TLK1: variants seen among roughly 807,000 people sequenced by gnomAD.
TLK1 encodes the protein serine/threonine-protein kinase tousled-like 1.
A neutral mutation model predicts 105.3 loss-of-function variants in TLK1; 24 were observed. That is an observed-to-expected ratio of 0.23 (90% CI 0.17 to 0.32). The LOEUF is 0.32. Ranked by LOEUF, TLK1 falls within the 10% of genes least tolerant of loss-of-function variation. TLK1 has a pLI of 1.00. For missense variants in TLK1, 558 were observed against 910.5 expected, an observed-to-expected ratio of 0.61 and a Z score of 4.98; for synonymous variants, 321 against 310.4, an observed-to-expected ratio of 1.03 and a Z score of -0.36.
At chr2:171,106,177 A>G (rs953969290) in intron 2 of TLK1, among the ~76,000 whole-genome samples, 2 of 152,212 alleles carry the variant, frequency 1.3e-5, no homozygotes, top group African/African-American at 4.8e-5. Context: ...AGCAGAATAG[A>G]GGCAGGGAAG....
At position 171,047,701 on chromosome 2, in the gene TLK1, G is replaced by A. The variant is rs144023607; in HGVS notation, c.981-1339C>T. Among the ~76,000 whole-genome samples the A allele has an allele frequency of 1.8e-3, 279 of 152,130 alleles. 3 individuals are homozygous for A. The highest frequency in any genetic ancestry group is 6.6e-3 in the African/African-American group (273 of 41,528). The stretch of plus-strand genomic sequence containing the variant: ...ATCAAGATGGTATAAATGCAAATAA[G>A]CAATAATAATCCTAATGATTAAAAT... On this transcript the variant is annotated intron_variant, in intron 10 of 20. Transcript: ENST00000431350.
intron 1 of TLK1, among the ~76,000 whole-genome samples, chr2:171,126,813 T>C (rs1359251363): frequency 6.6e-6 from 1 of 151,896 alleles, no homozygotes; most frequent in East Asian, 1.9e-4. Flanking sequence ...AGTTAAAGCT[T>C]TTCTTCTATT....
At chr2:171,009,872 G>C (rs1559339347) in intron 14 of TLK1, among the ~76,000 whole-genome samples, 1 of 152,176 alleles carries the variant, frequency 6.6e-6, no homozygotes, top group Non-Finnish European at 1.5e-5. Context: ...GCACAAAGGA[G>C]CTTATAAAAA....
intron 1 of TLK1, among the ~76,000 whole-genome samples, chr2:171,205,025 G>A (rs1421619192): frequency 1.3e-5 from 2 of 151,798 alleles, no homozygotes; most frequent in African/African-American, 4.8e-5. Flanking sequence ...ATAAGGGTGA[G>A]TGCAATGGAA....
At chr2:171,092,131 G>C (rs1488472223) in intron 2 of TLK1, among the ~76,000 whole-genome samples, 1 of 151,976 alleles carries the variant, frequency 6.6e-6, no homozygotes, top group African/African-American at 2.4e-5. Flanking sequence ...GTGCAACTCT[G>C]GTCTTCCAGG....
At chr2:171,222,217 AG>A (rs1306446861) in intron 1 of TLK1, among the ~76,000 whole-genome samples, 1 of 152,226 alleles carries the variant, frequency 6.6e-6, no homozygotes, top group Non-Finnish European at 1.5e-5. Flanking sequence ...AGACAACCCC[AG>A]TCCCACTAGA....
intron 2 of TLK1, among the ~76,000 whole-genome samples, chr2:171,108,064 A>C (rs1690006100): frequency 8.3e-6 from 1 of 120,272 alleles, no homozygotes; most frequent in Non-Finnish European, 1.7e-5. Context: ...TCTCAAAAAA[A>C]AAACAACAAC....
rs1455224423 is a variant in TLK1 at position 171,100,177 on chromosome 2, A to G, written c.259-17325T>C. ...GATGCTCATCAGTCATTAGGGAAAT[A>G]CATACCAAAAACACAGTGAGATCCC... On this transcript the variant is annotated intron_variant, in intron 2 of 20. Transcript: ENST00000431350. Among the ~76,000 whole-genome samples the G allele has an allele frequency of 2.6e-5, 4 of 152,222 alleles. No individual in the cohort carries two copies. The East Asian group carries it at 7.7e-4, about 29-fold the overall frequency.
chr2:171,047,416 T>C (rs112327486), intron 10 of TLK1, among the ~76,000 whole-genome samples: 1 of 152,174 alleles, frequency 6.6e-6, no homozygotes, highest in South Asian at 2.1e-4. Flanking sequence ...CCCCAACCAC[T>C]GACATCAACT....
In TLK1 at chr2:170,993,700, A is replaced by AACAAAC; in HGVS notation, c.*74_*79dup. 1 of 1,181,766 alleles carries AACAAAC rather than the reference A, an allele frequency of 8.5e-7. No homozygotes were observed. The highest frequency in any genetic ancestry group is 1.1e-6 in the Non-Finnish European group (1 of 882,840). The allele number at this position is 1,181,766 out of a possible 1,614,324, so 73.2% of individuals were successfully genotyped here. On this transcript the variant is annotated 3_prime_UTR_variant, in exon 21 of 21. Coordinates refer to ENST00000431350, the MANE Select transcript of TLK1 (RefSeq NM_012290.5). ...AAAAAAAAAAAAAAAAGAAAAAGAAAACAAACACTCAAATGCTCTCAAACT... is the reference window on the plus strand; with the variant it reads ...AAAAAAAAAAAAAAAAGAAAAAGAAAACAAACACAAACACTCAAATGCTCTCAAACT...
intron 1 of TLK1, among the ~76,000 whole-genome samples, chr2:171,148,554 C>T (rs1282381935): frequency 6.6e-6 from 1 of 151,858 alleles, no homozygotes; most frequent in Non-Finnish European, 1.5e-5. Flanking sequence ...GTACATGTTT[C>T]CATATTGCAC....
chr2:170,998,315 T>C (rs538278780), intron 18 of TLK1, among the ~76,000 whole-genome samples: 3 of 152,302 alleles, frequency 2.0e-5, no homozygotes, highest in Non-Finnish European at 4.4e-5. Flanking sequence ...AGACCTTGTA[T>C]CTCTTGTTTG....
chr2:171,151,401 T>C (rs1387852232), intron 1 of TLK1, among the ~76,000 whole-genome samples: 2 of 151,908 alleles, frequency 1.3e-5, no homozygotes, highest in Non-Finnish European at 2.9e-5. Context: ...ATGTGATTGT[T>C]AGGAGAAGCA....
chr2:171,061,130 T>G lies in TLK1; in HGVS notation c.357A>C (p.Ser119=). 5.0e-6 allele frequency: 8 copies of G among 1,613,674 alleles called. No individual in the cohort carries two copies. Among genetic ancestry groups the G allele is most frequent in the Non-Finnish European group, 6.8e-6 (8 of 1,179,758 alleles). The change falls in exon 4 of 21, where the codon TCA becomes TCC. Residue 119 remains serine (S), a synonymous_variant. Coordinates refer to ENST00000431350, the MANE Select transcript of TLK1 (RefSeq NM_012290.5). The part of the protein sequence containing the change: ...SETPEKKQSE[S]SRGRKRKAEN... Reference sequence around the variant, plus strand: ...CTGCTTTTCTCTTTCTTCCCCTGGATGATTCCGATTGTTTCTTCTCCGGTG... The same window carrying G: ...CTGCTTTTCTCTTTCTTCCCCTGGAGGATTCCGATTGTTTCTTCTCCGGTG...
intron 18 of TLK1, among the ~76,000 whole-genome samples, chr2:171,001,571 A>G (rs1575500823): frequency 6.6e-6 from 1 of 152,326 alleles, no homozygotes; most frequent in East Asian, 1.9e-4. Flanking sequence ...AGCTAAGGGC[A>G]GTCCTGATCA....
At chr2:171,102,758 C>T (rs1471698500) in intron 2 of TLK1, among the ~76,000 whole-genome samples, 1 of 152,078 alleles carries the variant, frequency 6.6e-6, no homozygotes, top group African/African-American at 2.4e-5. Flanking sequence ...GCTTTATTTG[C>T]TATTCATTCA....
intron 11 of TLK1, among the ~76,000 whole-genome samples, chr2:171,043,553 C>T (rs1389811377): frequency 2.0e-5 from 3 of 152,042 alleles, no homozygotes; most frequent in African/African-American, 7.2e-5. Context: ...AAACAGACTG[C>T]AGGAAGAGAC....
chr2:171,019,199 A>C (rs1193319013), intron 12 of TLK1, among the ~76,000 whole-genome samples: 4 of 152,180 alleles, frequency 2.6e-5, no homozygotes, highest in Non-Finnish European at 5.9e-5. Flanking sequence ...CAGCATAGAA[A>C]TGCTTTCTAT....
At chr2:171,047,638 T>C (rs1687023775) in intron 10 of TLK1, among the ~76,000 whole-genome samples, 1 of 152,202 alleles carries the variant, frequency 6.6e-6, no homozygotes, top group South Asian at 2.1e-4. Flanking sequence ...TAAATTTCAA[T>C]TTTTAATAAG....
Sources: allele counts gnomAD v4.1 joint callset (sites outside exome capture counted in the v4.1 genomes callset), GRCh38; gene constraint gnomAD v4.1.1; transcripts MANE v1.5; gene names NCBI Gene and HGNC (gene_info 2026-07-23, HGNC 2026-07-21).